Variants in MED12L observed in about 807,000 individuals in gnomAD.
MED12L encodes the protein mediator of RNA polymerase II transcription subunit 12-like protein.
A neutral mutation model predicts 281.3 loss-of-function variants in MED12L; 60 were observed. That is an observed-to-expected ratio of 0.21 (90% CI 0.17 to 0.26). The LOEUF is 0.26. MED12L is among the 10% of genes least tolerant of loss of function. The probability of loss-of-function intolerance (pLI) is 1.00; values close to 1 mark genes in which losing one functional copy is unlikely to be tolerated. For synonymous variants in MED12L, 974 were observed against 987.2 expected (o/e 0.99, Z 0.25); for missense variants, 2,146 against 2,680.9 (o/e 0.80, Z 4.41).
rs1721131557 is a variant in MED12L at position 151,169,277 on chromosome 3, C to A, written c.1494+3295C>A. On this transcript the variant is annotated intron_variant, in intron 11 of 44. Coordinates refer to ENST00000687756, the MANE Select transcript of MED12L (RefSeq NM_001393769.1). ...GAATTACAGGTGCCCTGCCGTCACG[C>A]CCGGTTAATATTTTTATATTTTTAG... Among the ~76,000 whole-genome samples the A allele has an allele frequency of 5.9e-5, 9 of 151,746 alleles. No homozygotes were observed. The South Asian group carries it at 1.9e-3, about 32-fold the overall frequency.
chr3:151,281,934 G>T (rs1474961489), intron 16 of MED12L, among the ~76,000 whole-genome samples: 1 of 152,116 alleles, frequency 6.6e-6, no homozygotes, highest in African/African-American at 2.4e-5. Flanking sequence ...TATCCAGGCC[G>T]TCATCGACTG....
At chr3:151,283,709 A>T (rs1269493286) in intron 16 of MED12L, among the ~76,000 whole-genome samples, 1 of 152,234 alleles carries the variant, frequency 6.6e-6, no homozygotes, top group Non-Finnish European at 1.5e-5. Context: ...CTGTAACCAA[A>T]ATATGGGGAA....
intron 16 of MED12L, among the ~76,000 whole-genome samples, chr3:151,277,540 G>A (rs192292221): frequency 9.9e-5 from 15 of 152,104 alleles, no homozygotes; most frequent in African/African-American, 3.1e-4. Flanking sequence ...GATTGTCCTT[G>A]GTTAACAAAG....
At chr3:151,329,813 A>G (rs1206195998) in intron 16 of MED12L, among the ~76,000 whole-genome samples, 1 of 152,182 alleles carries the variant, frequency 6.6e-6, no homozygotes, top group Non-Finnish European at 1.5e-5. Flanking sequence ...TCTTGTATAT[A>G]GTGGAAAGTA....
chr3:151,149,728 C>G (rs1383789180), intron 5 of MED12L, among the ~76,000 whole-genome samples: 2 of 152,216 alleles, frequency 1.3e-5, no homozygotes, highest in Non-Finnish European at 2.9e-5. Flanking sequence ...CTCTCAAACT[C>G]TGCTACTGTT....
At chr3:151,403,991 A>G (rs1716001336) in intron 39 of MED12L, among the ~76,000 whole-genome samples, 3 of 152,198 alleles carry the variant, frequency 2.0e-5, no homozygotes, top group Admixed American at 2.0e-4. Flanking sequence ...ATGAAGTTCA[A>G]AAATGTTTTG....
At chr3:151,282,956 T>A (rs1454975796) in intron 16 of MED12L, among the ~76,000 whole-genome samples, 1 of 152,184 alleles carries the variant, frequency 6.6e-6, no homozygotes, top group Non-Finnish European at 1.5e-5. Context: ...GGGGCAGAAA[T>A]TACATCATTA....
chr3:151,328,898 A>G (rs1577344361), intron 16 of MED12L: 2 of 1,614,062 alleles, frequency 1.2e-6, no homozygotes. Context: ...CAAGAAAACC[A>G]CTGTGTAGAG....
intron 16 of MED12L, among the ~76,000 whole-genome samples, chr3:151,268,266 TAA>T (rs1553764098): frequency 6.6e-6 from 1 of 152,056 alleles, no homozygotes; most frequent in African/African-American, 2.4e-5. Flanking sequence ...TATATATATA[TAA>T]GTCAGTTTTC....
chr3:151,365,242 A>G (rs1430044651), intron 22 of MED12L, 36 bp downstream of exon 22: 1 of 1,547,180 alleles, frequency 6.5e-7, no homozygotes, highest in Admixed American at 1.7e-5. Context: ...TGATTAACCA[A>G]AGAGTTGTTG....
At chr3:151,346,485 G>A (rs1185004016) in intron 16 of MED12L, among the ~76,000 whole-genome samples, 1 of 152,026 alleles carries the variant, frequency 6.6e-6, no homozygotes, top group Non-Finnish European at 1.5e-5. Context: ...TTAGCTTTGT[G>A]CCCTGCCACT....
chr3:151,326,445 G>A (rs1309517390), intron 16 of MED12L: 3 of 152,574 alleles, frequency 2.0e-5, no homozygotes, highest in African/African-American at 7.2e-5. Flanking sequence ...TAATAATATA[G>A]GTGTGACAGC....
intron 19 of MED12L, 78 bp from the exon 20 acceptor site, chr3:151,357,135 C>T: frequency 8.0e-7 from 1 of 1,250,274 alleles, no homozygotes; most frequent in South Asian, 1.6e-5. Flanking sequence ...CTCAGTATAT[C>T]TATGGTTTAT....
intron 3 of MED12L, among the ~76,000 whole-genome samples, 191 bp downstream of exon 3, chr3:151,116,633 T>C (rs997603653): frequency 1.3e-5 from 2 of 152,206 alleles, no homozygotes; most frequent in Admixed American, 1.3e-4. Flanking sequence ...GTCACATCTT[T>C]TAATTTAGTA....
At chr3:151,181,200 CTT>C (rs1722653532) in intron 11 of MED12L, among the ~76,000 whole-genome samples, 4 of 151,658 alleles carry the variant, frequency 2.6e-5, no homozygotes, top group South Asian at 2.1e-4. Context: ...TATTTTATCT[CTT>C]TGGTATTAAA....
chr3:151,112,633 G>A (rs1448979711), intron 2 of MED12L, among the ~76,000 whole-genome samples: 3 of 152,100 alleles, frequency 2.0e-5, no homozygotes, highest in Non-Finnish European at 2.9e-5. Flanking sequence ...AAAAATTTTA[G>A]AACGAGAGCA....
chr3:151,198,787 G>A, intron 16 of MED12L: 1 of 1,613,546 alleles, frequency 6.2e-7, no homozygotes, highest in South Asian at 1.1e-5. Flanking sequence ...GAATTACAAG[G>A]CAATTGGATA....
At chr3:151,156,122 G>C in intron 5 of MED12L, 39 bp from the exon 6 acceptor site, 1 of 1,518,062 alleles carries the variant, frequency 6.6e-7, no homozygotes, top group Non-Finnish European at 8.9e-7. Flanking sequence ...TGTACCCATT[G>C]TGTCTAGAAA....
intron 16 of MED12L, among the ~76,000 whole-genome samples, chr3:151,288,664 A>G (rs1383563312): frequency 6.6e-6 from 1 of 152,212 alleles, no homozygotes; most frequent in Admixed American, 6.5e-5. Flanking sequence ...TTTTCCTTTG[A>G]ATTATGATTA....
Sources: allele counts gnomAD v4.1 joint callset (sites outside exome capture counted in the v4.1 genomes callset), GRCh38; gene constraint gnomAD v4.1.1; transcripts MANE v1.5; gene names NCBI Gene and HGNC (gene_info 2026-07-23, HGNC 2026-07-21).